ARHGEF12: variants seen among roughly 807,000 people sequenced by gnomAD.
ARHGEF12 encodes the protein KMT2A/ARHGEF12 fusion protein.
A neutral mutation model predicts 211.2 loss-of-function variants in ARHGEF12; 66 were observed. The ratio of observed to expected loss-of-function variants is 0.31; its 90% CI spans 0.26 to 0.38. The LOEUF is 0.38. Among genes scored for constraint, ARHGEF12 ranks in the 10% least tolerant of loss-of-function variants. The pLI is 1.00. For missense variants in ARHGEF12, 1,429 were observed against 1,869.5 expected, an observed-to-expected ratio of 0.76 and a Z score of 4.34; for synonymous variants, 592 against 638.4, an observed-to-expected ratio of 0.93 and a Z score of 1.09.
intron 25 of ARHGEF12, 184 bp downstream of exon 25, chr11:120,458,418 T>C (rs763029912): frequency 1.7e-5 from 10 of 589,686 alleles, no homozygotes; most frequent in South Asian, 2.2e-5. Flanking sequence ...CTGATTCTTA[T>C]TGATAATTTA....
At position 120,416,892 on chromosome 11, in the gene ARHGEF12, C is replaced by T. The variant is rs776970536; in HGVS notation, c.200-3861C>T. Among the ~76,000 whole-genome samples, 13 of 152,160 alleles carry T rather than the reference C, an allele frequency of 8.5e-5. No homozygotes were observed. The South Asian group carries it at 1.9e-3, about 22-fold the overall frequency. On this transcript the variant is annotated intron_variant, in intron 4 of 40. Transcript: ENST00000397843. ...GTCTCAATCTCTTGACTTCGTGATCCGCCCATCTCAGCCTTCCAAATGCGC... is the reference window on the plus strand; with the variant it reads ...GTCTCAATCTCTTGACTTCGTGATCTGCCCATCTCAGCCTTCCAAATGCGC...
intron 1 of ARHGEF12, among the ~76,000 whole-genome samples, chr11:120,377,561 T>A (rs1349305582): frequency 3.9e-5 from 6 of 152,184 alleles, no homozygotes; most frequent in Non-Finnish European, 8.8e-5. Context: ...CAGGCTGGCC[T>A]CAAACTCCTG....
rs2135816503 is a variant in ARHGEF12, at chr11:120,446,851, T to G, written c.1452-97T>G. ...AGTGGAAAAGTGACATTTTTCCTGT[T>G]CCTAGAAACCATAGCTGTGAAGACT... On this transcript the variant is annotated intron_variant, in intron 17 of 40. Transcript: ENST00000397843. The G allele has an allele frequency of 2.1e-6, 3 of 1,439,126 alleles. No individual in the cohort carries two copies. The South Asian group carries it at 4.3e-5, about 20-fold the overall frequency. The allele number at this position is 1,439,126 out of a possible 1,614,324, so 89.1% of individuals were successfully genotyped here.
intron 1 of ARHGEF12, among the ~76,000 whole-genome samples, chr11:120,365,350 G>C (rs982389394): frequency 1.6e-4 from 24 of 152,152 alleles, no homozygotes; most frequent in African/African-American, 5.8e-4. Flanking sequence ...GAATGCAAAT[G>C]AAAGACTGCT....
intron 1 of ARHGEF12, among the ~76,000 whole-genome samples, chr11:120,357,580 G>GT (rs570564066): frequency 1.8e-4 from 28 of 151,978 alleles, no homozygotes; most frequent in Non-Finnish European, 2.9e-4. Flanking sequence ...AAACAATCAG[G>GT]TTTTTTTGAG....
chr11:120,429,506 G>T lies in ARHGEF12; in HGVS notation c.652G>T (p.Glu218Ter). ...ILRKMLQKEQ[E>*]RLQLLQEDYN... ...GAGAAAAATGTTACAGAAAGAACAGGAACGGCTACAGGTATTAAATGAGAA... is the reference window on the plus strand; with the variant it reads ...GAGAAAAATGTTACAGAAAGAACAGTAACGGCTACAGGTATTAAATGAGAA... The change falls in exon 9 of 41, where the codon GAA becomes TAA. Residue 218 changes from glutamate to a stop codon, truncating the protein, a stop_gained. Coordinates refer to ENST00000397843, the MANE Select transcript of ARHGEF12 (RefSeq NM_015313.3). LOFTEE classifies it high-confidence loss of function. The T allele has an allele frequency of 1.2e-6, 2 of 1,613,810 alleles. No homozygotes were observed. Among genetic ancestry groups the T allele is most frequent in the South Asian group, 2.2e-5 (2 of 90,978 alleles).
chr11:120,383,582 G>GA (rs996193057), intron 1 of ARHGEF12, among the ~76,000 whole-genome samples: 20 of 152,106 alleles, frequency 1.3e-4, no homozygotes, highest in African/African-American at 4.3e-4. Context: ...GTGCAACCTA[G>GA]ATCCCTCTCA....
Position 120,344,953 on chromosome 11 carries a change from C to T in ARHGEF12, c.32+7678C>T, listed in dbSNP as rs182243529. ...AAGAGTCATGATTAGAATTTTTCCC[C>T]TTTTTTTCCTTTCTTTCAATGCTCC... is the stretch of plus-strand genomic sequence containing the variant. On this transcript the variant is annotated intron_variant, in intron 1 of 40. Transcript: ENST00000397843. 3.1e-4 allele frequency among the ~76,000 whole-genome samples: 47 copies of T among 152,228 alleles called. 1 individual carries two copies. The highest frequency in any genetic ancestry group is 1.0e-3 in the African/African-American group (43 of 41,554).
rs1313166047 is a variant in ARHGEF12 at position 120,441,730 on chromosome 11, C to G, written c.1116C>G (p.Phe372Leu). 1 of 1,613,692 alleles carries G rather than the reference C, an allele frequency of 6.2e-7. No individual in the cohort carries two copies. Among genetic ancestry groups the G allele is most frequent in the Non-Finnish European group, 8.5e-7 (1 of 1,179,762 alleles). ...AGATCAATGGACAGTGCAGCTGTTT[C>G]CAGAGCATTGAATTACTAAAATCTC... ...HEQINGQCSCFQSIELLKSRP... is the reference protein window; with the variant it reads ...HEQINGQCSCLQSIELLKSRP... Residue 372 changes from phenylalanine (F) to leucine (L), a missense_variant, in exon 14 of 41, where the codon TTC becomes TTG. Around this residue, in one of 7 missense-constraint regions of ARHGEF12, gnomAD observed 11 missense variants for 32.9 expected, o/e 0.33. Coordinates refer to ENST00000397843, the MANE Select transcript of ARHGEF12 (RefSeq NM_015313.3).
At chr11:120,403,235 G>T (rs192991190) in intron 1 of ARHGEF12, among the ~76,000 whole-genome samples, 277 of 152,208 alleles carry the variant, frequency 1.8e-3, no homozygotes, top group South Asian at 4.1e-3. Flanking sequence ...GGCCAGGCGC[G>T]GCGGCTCACA....
At chr11:120,431,255 A>T (rs1374857086) in intron 10 of ARHGEF12, among the ~76,000 whole-genome samples, 1 of 152,012 alleles carries the variant, frequency 6.6e-6, no homozygotes, top group African/African-American at 2.4e-5. Flanking sequence ...CTGCCACTAC[A>T]CTCCAGCCTG....
intron 1 of ARHGEF12, 164 bp downstream of exon 1, chr11:120,337,439 G>A: frequency 1.0e-6 from 1 of 985,250 alleles, no homozygotes; most frequent in Non-Finnish European, 1.2e-6. Flanking sequence ...GAGTTATCCA[G>A]TTGATTGGCT....
intron 1 of ARHGEF12, among the ~76,000 whole-genome samples, chr11:120,401,019 G>C (rs1944535438): frequency 1.3e-5 from 2 of 152,204 alleles, no homozygotes; most frequent in South Asian, 4.1e-4. Context: ...CATTCCGTCA[G>C]CTGTAGCTTC....
chr11:120,416,918 C>T (rs941428801), intron 4 of ARHGEF12, among the ~76,000 whole-genome samples: 1 of 152,026 alleles, frequency 6.6e-6, no homozygotes, highest in Non-Finnish European at 1.5e-5. Context: ...CCAAATGCGC[C>T]CAGCCAGAAT....
At chr11:120,429,125 G>C (rs1945447867) in intron 8 of ARHGEF12, among the ~76,000 whole-genome samples, 2 of 152,122 alleles carry the variant, frequency 1.3e-5, no homozygotes, top group African/African-American at 4.8e-5. Flanking sequence ...CATGGGGATC[G>C]ATAGTAAAGA....
intron 25 of ARHGEF12, chr11:120,458,454 G>C (rs991447149): frequency 2.1e-6 from 1 of 477,206 alleles, no homozygotes; most frequent in Non-Finnish European, 3.6e-6. Flanking sequence ...AAGCCTTAAA[G>C]ATATTTAAGA....
At chr11:120,369,664 T>G (rs1240529872) in intron 1 of ARHGEF12, among the ~76,000 whole-genome samples, 1 of 152,236 alleles carries the variant, frequency 6.6e-6, no homozygotes, top group African/African-American at 2.4e-5. Context: ...TAATTAATTC[T>G]AAATTTAAAA....
chr11:120,425,572 C>T (rs1591575361), intron 7 of ARHGEF12, among the ~76,000 whole-genome samples: 1 of 151,694 alleles, frequency 6.6e-6, no homozygotes, highest in Non-Finnish European at 1.5e-5. Flanking sequence ...GCTGGGATTA[C>T]AGGCACGAGC....
intron 33 of ARHGEF12, 23 bp downstream of exon 33, chr11:120,475,530 A>G (rs1014245712): frequency 1.9e-6 from 3 of 1,607,344 alleles, no homozygotes; most frequent in African/African-American, 1.3e-5. Context: ...ACTGAAGGAT[A>G]CTAATTTCCA....
Sources: gnomAD v4.1 joint callset for allele counts (sites outside exome capture counted in the v4.1 genomes callset) on GRCh38, gnomAD v4.1.1 for gene constraint, gnomAD v4.1.1 regional missense constraint, MANE v1.5 for transcripts, NCBI Gene and HGNC (gene_info 2026-07-23, HGNC 2026-07-21) for gene names.